NFATC2: variants seen among roughly 807,000 people sequenced by gnomAD.
The protein encoded by NFATC2 is nuclear factor of activated T cells 2, also known as nuclear factor of activated T-cells, cytoplasmic 2.
NFATC2 carries 22 observed loss-of-function variants against 87.3 expected under a neutral mutation model. The observed-to-expected ratio is 0.25, with a 90% CI of 0.18 to 0.36. The LOEUF is 0.36. NFATC2 is among the 10% of genes least tolerant of loss of function. The probability of loss-of-function intolerance (pLI) is 1.00; values close to 1 mark genes in which losing one functional copy is unlikely to be tolerated. For missense variants in NFATC2, 1,149 were observed against 1,259.1 expected, an observed-to-expected ratio of 0.91 and a Z score of 1.32; for synonymous variants, 565 against 542.2, an observed-to-expected ratio of 1.04 and a Z score of -0.58.
At chr20:51,496,637 A>T (rs1380793316) in intron 3 of NFATC2, among the ~76,000 whole-genome samples, 1 of 152,178 alleles carries the variant, frequency 6.6e-6, no homozygotes, top group Non-Finnish European at 1.5e-5. Flanking sequence ...TATTTATGGT[A>T]ACCTCTTTTT....
Position 51,409,778 on chromosome 20 carries a change from G to A in NFATC2, c.2723-11048C>T, listed in dbSNP as rs185987468. On this transcript the variant is annotated intron_variant, in intron 9 of 10. Transcript: ENST00000371564. ...CAGACTACAGAAAATTCTACAGGAC[G>A]AACTGGTTTCTTCAGTACAAAGATG... is the stretch of plus-strand genomic sequence containing the variant. Among the ~76,000 whole-genome samples, 56 of 152,324 alleles carry A rather than the reference G, an allele frequency of 3.7e-4. 1 individual carries two copies. Among genetic ancestry groups the A allele is most frequent in the African/African-American group, 1.2e-3 (49 of 41,584 alleles).
At chr20:51,397,780 C>T (rs1987403049) in intron 10 of NFATC2, among the ~76,000 whole-genome samples, 1 of 152,188 alleles carries the variant, frequency 6.6e-6, no homozygotes, top group Non-Finnish European at 1.5e-5. Flanking sequence ...CAAGCGTCAG[C>T]TCCCCTGGGT....
chr20:51,555,546 T>C (rs1466801811), intron 1 of NFATC2, among the ~76,000 whole-genome samples: 2 of 151,860 alleles, frequency 1.3e-5, no homozygotes, highest in African/African-American at 4.8e-5. Context: ...TAAGCTGAGA[T>C]TGCCGCCATT....
At chr20:51,481,598 G>GGGAGT (rs1989262088) in intron 3 of NFATC2, among the ~76,000 whole-genome samples, 1 of 152,160 alleles carries the variant, frequency 6.6e-6, no homozygotes, top group South Asian at 2.1e-4. Context: ...TGCACGGGAG[G>GGGAGT]GGAGTGTCTG....
intron 3 of NFATC2, among the ~76,000 whole-genome samples, chr20:51,484,815 C>T (rs1284238587): frequency 2.0e-5 from 3 of 152,246 alleles, no homozygotes; most frequent in African/African-American, 7.2e-5. Context: ...GAAGAAGGAG[C>T]CCTGCGCCTG....
intron 9 of NFATC2, among the ~76,000 whole-genome samples, chr20:51,415,686 T>C (rs1352254749): frequency 6.6e-6 from 1 of 152,154 alleles, no homozygotes; most frequent in Non-Finnish European, 1.5e-5. Context: ...TAAATTTGGG[T>C]TCATTTCACC....
At chr20:51,419,540 G>C (rs1980562444) in intron 9 of NFATC2, among the ~76,000 whole-genome samples, 1 of 152,194 alleles carries the variant, frequency 6.6e-6, no homozygotes. Context: ...GATGGGGCCA[G>C]CATACCAGCC....
Position 51,506,459 on chromosome 20 carries a change from C to T in NFATC2, c.1332+10325G>A, listed in dbSNP as rs560113268. Among the ~76,000 whole-genome samples, 740 of 152,234 alleles carry T rather than the reference C, an allele frequency of 4.9e-3. 6 individuals are homozygous for T. Among genetic ancestry groups the T allele is most frequent in the African/African-American group, 0.017 (707 of 41,524 alleles). On this transcript the variant is annotated intron_variant, in intron 3 of 10. Transcript: ENST00000371564. ...CTCCCAGGATCCAGAGGAAACAGAGCCCCGTGAGAAGCCATCACCTCCCCG... is the reference window on the plus strand; with the variant it reads ...CTCCCAGGATCCAGAGGAAACAGAGTCCCGTGAGAAGCCATCACCTCCCCG...
intron 9 of NFATC2, among the ~76,000 whole-genome samples, chr20:51,420,188 G>GAAA (rs1175624267): frequency 2.0e-5 from 3 of 152,166 alleles, no homozygotes; most frequent in African/African-American, 7.2e-5. Flanking sequence ...TCTCTTTATA[G>GAAA]AAGTTTTCCA....
chr20:51,543,920 C>T (rs531174328), upstream of NFATC2, among the ~76,000 whole-genome samples: 1 of 148,656 alleles, frequency 6.7e-6, no homozygotes, highest in Admixed American at 6.8e-5. Flanking sequence ...CCTGGGACAC[C>T]TTTTTAAACT....
At chr20:51,515,721 T>C (rs1349217886) in intron 3 of NFATC2, among the ~76,000 whole-genome samples, 1 of 151,434 alleles carries the variant, frequency 6.6e-6, no homozygotes, top group South Asian at 2.1e-4. Context: ...GACTTACAAG[T>C]TCTTAATATT....
chr20:51,474,609 G>C (rs1289874861), intron 4 of NFATC2, among the ~76,000 whole-genome samples: 1 of 152,206 alleles, frequency 6.6e-6, no homozygotes, highest in East Asian at 1.9e-4. Context: ...GGAAAAAACG[G>C]AGAGGTGGGA....
At chr20:51,426,424 G>A (rs1981837420) in intron 9 of NFATC2, among the ~76,000 whole-genome samples, 1 of 151,968 alleles carries the variant, frequency 6.6e-6, no homozygotes. Context: ...GTTGCAGCGA[G>A]CCAAGATCAT....
At chr20:51,533,564 C>T (rs2076670785) in intron 1 of NFATC2, among the ~76,000 whole-genome samples, 3 of 152,224 alleles carry the variant, frequency 2.0e-5, no homozygotes, top group Admixed American at 1.3e-4. Flanking sequence ...CATTTGCCAT[C>T]CTGTCTCGTC....
At chr20:51,417,346 C>A (rs905795287) in intron 9 of NFATC2, among the ~76,000 whole-genome samples, 7 of 152,184 alleles carry the variant, frequency 4.6e-5, no homozygotes, top group African/African-American at 1.7e-4. Flanking sequence ...AGCTCTCAAC[C>A]CGCGAGGCCT....
intron 5 of NFATC2, among the ~76,000 whole-genome samples, chr20:51,460,418 C>A (rs1266874513): frequency 1.3e-5 from 2 of 152,182 alleles, no homozygotes; most frequent in African/African-American, 4.8e-5. Context: ...GAGGATTAAA[C>A]AAGTTCATCA....
chr20:51,471,821 T>A (rs566021002), intron 5 of NFATC2, among the ~76,000 whole-genome samples: 11 of 152,276 alleles, frequency 7.2e-5, no homozygotes, highest in Non-Finnish European at 1.5e-4. Flanking sequence ...ATTTTTCTAC[T>A]ATTTTTTTAA....
At chr20:51,519,421 T>A (rs1269867042) in intron 2 of NFATC2, among the ~76,000 whole-genome samples, 1 of 148,588 alleles carries the variant, frequency 6.7e-6, no homozygotes, top group Non-Finnish European at 1.5e-5. Flanking sequence ...AAGACCAGTC[T>A]GGCCAACATG....
intron 10 of NFATC2, among the ~76,000 whole-genome samples, chr20:51,397,502 C>T (rs758789398): frequency 1.3e-5 from 2 of 152,214 alleles, no homozygotes; most frequent in South Asian, 4.1e-4. Context: ...CCAAGACACA[C>T]ATTAAAAAGG....
Sources: allele counts gnomAD v4.1 joint callset (sites outside exome capture counted in the v4.1 genomes callset), GRCh38; gene constraint gnomAD v4.1.1; transcripts MANE v1.5; gene names NCBI Gene and HGNC (gene_info 2026-07-23, HGNC 2026-07-21).